Variants in SLC16A2 observed in about 807,000 individuals in gnomAD.
SLC16A2 encodes the protein monocarboxylate transporter 8.
SLC16A2 carries 3 observed loss-of-function variants against 27.2 expected under a neutral mutation model. The ratio of observed to expected loss-of-function variants is 0.11; its 90% confidence interval spans 0.05 to 0.28. The LOEUF (loss-of-function observed/expected upper bound fraction) is 0.28, where lower values mean the gene tolerates loss of function less well. SLC16A2 is among the 10% of genes least tolerant of loss of function. SLC16A2 has a pLI of 1.00. For synonymous variants in SLC16A2, 202 were observed against 187.8 expected (o/e 1.08, Z -0.62); for missense variants, 295 against 458.5 (o/e 0.64, Z 3.26).
intron 1 of SLC16A2, among the ~76,000 whole-genome samples, chrX:74,516,110 T>C (rs1180054491): frequency 9.0e-6 from 1 of 110,971 alleles, no homozygotes; most frequent in Non-Finnish European, 1.9e-5. Flanking sequence ...CAGGCTGGAG[T>C]GCAGTGGCAC....
At chrX:74,488,464 TAA>T (rs1375967458) in intron 1 of SLC16A2, among the ~76,000 whole-genome samples, 1 of 111,906 alleles carries the variant, frequency 8.9e-6, no homozygotes, top group Non-Finnish European at 1.9e-5. Flanking sequence ...GCATTAAGAA[TAA>T]GTCAATATTT....
intron 1 of SLC16A2, among the ~76,000 whole-genome samples, chrX:74,496,867 C>T (rs1168020283): frequency 8.9e-6 from 1 of 112,011 alleles, no homozygotes; most frequent in Non-Finnish European, 1.9e-5. Context: ...CTCCGAGTGT[C>T]CCAGTCAAAC....
intron 1 of SLC16A2, among the ~76,000 whole-genome samples, chrX:74,448,392 G>T (rs959620255): frequency 1.9e-5 from 2 of 105,509 alleles, no homozygotes; most frequent in Non-Finnish European, 3.9e-5. Context: ...GGAAAGTAAG[G>T]GCAGAGCATG....
chrX:74,524,175 C>A (rs1212892594), intron 2 of SLC16A2, among the ~76,000 whole-genome samples, 184 bp from the exon 3 acceptor site: 1 of 111,761 alleles, frequency 8.9e-6, no homozygotes, highest in African/African-American at 3.3e-5. Context: ...CCTCGCTGAG[C>A]CTCTGCTTCC....
chrX:74,503,571 T>C (rs146082899), intron 1 of SLC16A2, among the ~76,000 whole-genome samples: 1 of 111,383 alleles, frequency 9.0e-6, no homozygotes, highest in Non-Finnish European at 1.9e-5. Context: ...GCCTGGAGCA[T>C]AGTACCAAGT....
intron 1 of SLC16A2, among the ~76,000 whole-genome samples, chrX:74,434,998 ATT>A (rs373253163): frequency 1.0e-5 from 1 of 96,066 alleles, no homozygotes; most frequent in Non-Finnish European, 2.1e-5. Flanking sequence ...TAATTTTTGT[ATT>A]TTTTTTTTTT....
chrX:74,528,139 CT>C (rs1728516565), intron 4 of SLC16A2, among the ~76,000 whole-genome samples: 1 of 112,246 alleles, frequency 8.9e-6, no homozygotes, highest in Admixed American at 9.4e-5. Context: ...AGTTGGCTTG[CT>C]TGTGTGAACT....
rs754030001 is a variant in SLC16A2 at position 74,422,000 on chromosome X, C to T, written c.363C>T (p.Val121=). The stretch of plus-strand genomic sequence containing the variant: ...CCATCTTCGGCATCCATAACTCTGT[C>T]GGGATCCTCTACTCCATGCTGCTAG... ...NGSIFGIHNS[V]GILYSMLLEE... is the part of the protein sequence containing the mutation. Residue 121 remains valine (V), a synonymous_variant, in exon 1 of 6, where the codon GTC becomes GTT. Transcript: ENST00000587091. 5.8e-6 allele frequency: 7 copies of T among 1,210,927 alleles called. No homozygotes were observed. The East Asian group carries it at 1.8e-4, about 31-fold the overall frequency.
At chrX:74,519,750 A>AAAAAC (rs1569298945) in intron 1 of SLC16A2, among the ~76,000 whole-genome samples, 3 of 75,939 alleles carry the variant, frequency 4.0e-5, no homozygotes, top group Non-Finnish European at 5.7e-5. Flanking sequence ...AACGAAAGAA[A>AAAAAC]GAAAAAGAAA....
intron 1 of SLC16A2, among the ~76,000 whole-genome samples, chrX:74,512,712 C>T (rs1254752281): frequency 7.1e-5 from 8 of 111,929 alleles, no homozygotes; most frequent in African/African-American, 2.6e-4. Context: ...TCCTGTACTT[C>T]AAAGACATTA....
intron 1 of SLC16A2, among the ~76,000 whole-genome samples, chrX:74,462,377 T>C (rs1307308454): frequency 2.7e-5 from 3 of 111,830 alleles, no homozygotes; most frequent in Non-Finnish European, 5.6e-5. Context: ...TGGAGTGCAA[T>C]GGCATGATCA....
chrX:74,477,326 T>A (rs1929502713), intron 1 of SLC16A2, among the ~76,000 whole-genome samples: 1 of 111,780 alleles, frequency 8.9e-6, no homozygotes, highest in Non-Finnish European at 1.9e-5. Flanking sequence ...GGTGGTGATA[T>A]CCCCTTTATC....
chrX:74,501,912 T>C (rs999090550), intron 1 of SLC16A2, among the ~76,000 whole-genome samples: 3 of 111,354 alleles, frequency 2.7e-5, no homozygotes, highest in Non-Finnish European at 5.7e-5. Context: ...TGTATACATA[T>C]TAACAAACCT....
In SLC16A2 at chrX:74,524,657, A is replaced by G; in HGVS notation, c.874A>G (p.Ser292Gly). The change falls in exon 3 of 6, where the codon AGC (serine) becomes GGC (glycine). Residue 292 changes from serine (S) to glycine (G), a missense_variant. Ser to Gly is a moderately conservative substitution (Grantham distance 56, BLOSUM62 0). Around this residue, in one of 3 missense-constraint regions of SLC16A2, gnomAD observed 144 missense variants for 219.8 expected, o/e 0.66. Transcript: ENST00000587091. The part of the protein sequence containing the change: ...PLLPSSQDTP[S>G]KRGVRTLHQR... ...CCTGCCCAGCTCCCAGGACACCCCA[A>G]GCAAGAGAGGTGTCCGCACCCTGCA... 1 of 1,211,886 alleles carries G rather than the reference A, an allele frequency of 8.3e-7. No homozygotes were observed. Among genetic ancestry groups the G allele is most frequent in the Non-Finnish European group, 1.1e-6 (1 of 895,519 alleles).
At chrX:74,526,666 A>G (rs1930491022) in intron 4 of SLC16A2, among the ~76,000 whole-genome samples, 1 of 112,547 alleles carries the variant, frequency 8.9e-6, no homozygotes, top group South Asian at 3.7e-4. Flanking sequence ...GGAAAGGCTC[A>G]CACAGACAGT....
chrX:74,506,929 A>ATTT (rs1168128237), intron 1 of SLC16A2, among the ~76,000 whole-genome samples: 1 of 29,472 alleles, frequency 3.4e-5, no homozygotes, highest in African/African-American at 6.2e-5. Context: ...TTATTTATTT[A>ATTT]TTTATTTATT....
Position 74,529,342 on chromosome X carries a change from A to G in SLC16A2, c.1300A>G (p.Ile434Val). The G allele has an allele frequency of 8.3e-7, 1 of 1,207,687 alleles. No individual in the cohort carries two copies. The highest frequency in any genetic ancestry group is 1.1e-6 in the Non-Finnish European group (1 of 893,274). ...DGFFITIMAPIAFELVGPMQA... is the reference protein window; with the variant it reads ...DGFFITIMAPVAFELVGPMQA... ...CTTCTTCATCACCATCATGGCCCCC[A>G]TTGCATTTGAGCTGGTGGGCCCAAT... Residue 434 changes from isoleucine to valine, a missense_variant, in exon 5 of 6, where the codon ATT becomes GTT. Ile to Val is a conservative substitution (Grantham distance 29, BLOSUM62 3). This residue lies in a region of SLC16A2 where 144 missense variants were observed against 219.8 expected (regional missense o/e 0.66). Transcript: ENST00000587091.
At chrX:74,467,108 C>G (rs1172328671) in intron 1 of SLC16A2, among the ~76,000 whole-genome samples, 1 of 112,304 alleles carries the variant, frequency 8.9e-6, no homozygotes, top group East Asian at 2.8e-4. Context: ...CCGCCCCTCC[C>G]CTCCATCTTC....
intron 1 of SLC16A2, among the ~76,000 whole-genome samples, chrX:74,454,421 T>C (rs58418215): frequency 0.024 from 2,680 of 110,066 alleles, 89 homozygotes; most frequent in African/African-American, 0.085. Flanking sequence ...GTTCATGTCC[T>C]TTGTAGGGAC....
Sources: allele counts gnomAD v4.1 joint callset (sites outside exome capture counted in the v4.1 genomes callset), GRCh38; gene constraint gnomAD v4.1.1; regional missense constraint gnomAD v4.1.1; transcripts MANE v1.5; gene names NCBI Gene and HGNC (gene_info 2026-07-23, HGNC 2026-07-21).